ALDH1A1: variants seen among roughly 807,000 people sequenced by gnomAD.
ALDH1A1 encodes the protein aldehyde dehydrogenase 1 family member A1.
In ALDH1A1, 19 loss-of-function variants were observed where a neutral mutation model predicts 62.1. The observed-to-expected ratio is 0.31, with a 90% CI of 0.21 to 0.45. ALDH1A1 has a LOEUF of 0.45. ALDH1A1 is among the 20% of genes least tolerant of loss of function. The pLI, the probability that ALDH1A1 is intolerant of heterozygous loss-of-function variation, is 1.00. For synonymous variants in ALDH1A1, 231 were observed against 215.9 expected (o/e 1.07, Z -0.61); for missense variants, 521 against 607.1 (o/e 0.86, Z 1.49).
chr9:72,903,870 C>T (rs1252682817), intron 12 of ALDH1A1, among the ~76,000 whole-genome samples: 1 of 152,000 alleles, frequency 6.6e-6, no homozygotes, highest in Non-Finnish European at 1.5e-5. Context: ...ATAACCAGGC[C>T]AGAAACGAAC....
intron 1 of ALDH1A1, among the ~76,000 whole-genome samples, chr9:72,944,106 GA>G (rs1830446897): frequency 1.3e-5 from 2 of 152,066 alleles, no homozygotes; most frequent in South Asian, 4.1e-4. Context: ...GATCCCCAGA[GA>G]AAGAAGTTTA....
At chr9:72,926,594 T>C (rs1349307175) in intron 5 of ALDH1A1, among the ~76,000 whole-genome samples, 2 of 152,220 alleles carry the variant, frequency 1.3e-5, no homozygotes, top group Non-Finnish European at 2.9e-5. Context: ...GTAAAATATA[T>C]TCCATGCAGT....
intron 9 of ALDH1A1, among the ~76,000 whole-genome samples, chr9:72,914,676 C>A (rs1307333424): frequency 6.6e-6 from 1 of 151,874 alleles, no homozygotes; most frequent in African/African-American, 2.4e-5. Flanking sequence ...ATAGGAAAAT[C>A]ACTTGAAATA....
chr9:72,944,094 C>G (rs1056969939), intron 1 of ALDH1A1, among the ~76,000 whole-genome samples: 22 of 151,988 alleles, frequency 1.4e-4, no homozygotes, highest in African/African-American at 4.6e-4. Context: ...GTGGCAGATC[C>G]TGATCCCCAG....
intron 6 of ALDH1A1, 142 bp downstream of exon 6, chr9:72,925,342 A>G: frequency 1.1e-6 from 1 of 943,458 alleles, no homozygotes; most frequent in South Asian, 2.0e-5. Flanking sequence ...AATTGCAGCC[A>G]GCCGTCATGC....
intron 1 of ALDH1A1, among the ~76,000 whole-genome samples, chr9:72,946,860 T>TTATCCA (rs1830481946): frequency 2.6e-5 from 4 of 152,082 alleles, no homozygotes; most frequent in African/African-American, 9.6e-5. Context: ...ATCCTATAGA[T>TTATCCA]TATCCATGCC....
intron 1 of ALDH1A1, among the ~76,000 whole-genome samples, chr9:72,944,568 C>T (rs1017291966): frequency 2.6e-5 from 4 of 151,920 alleles, no homozygotes; most frequent in African/African-American, 9.7e-5. Flanking sequence ...ATCACTGTTC[C>T]TATAGTTATA....
chr9:72,901,745 T>G (rs1371836639), intron 12 of ALDH1A1, among the ~76,000 whole-genome samples: 2 of 151,960 alleles, frequency 1.3e-5, no homozygotes, highest in African/African-American at 4.8e-5. Context: ...CACTACAAGG[T>G]CTACTCTAGT....
intron 3 of ALDH1A1, 44 bp downstream of exon 3, chr9:72,930,835 C>A (rs1453559303): frequency 1.2e-6 from 2 of 1,611,366 alleles, no homozygotes; most frequent in African/African-American, 2.7e-5. Flanking sequence ...ACGCTGAATG[C>A]TTTTGAGAGC....
rs544818110 is a variant in ALDH1A1 at position 72,945,947 on chromosome 9, G to A, written c.67-5695C>T. ...TTTCATTTGTTTTAAATGATAGTCT[G>A]ACTTTAGTAACGTGAGTATATACTC... On this transcript the variant is annotated intron_variant, in intron 1 of 12. Coordinates refer to ENST00000297785, the MANE Select transcript of ALDH1A1 (RefSeq NM_000689.5). Among the ~76,000 whole-genome samples, 71 of 152,096 alleles carry A rather than the reference G, an allele frequency of 4.7e-4. 2 individuals carry two copies. The South Asian group carries it at 0.015, about 32-fold the overall frequency.
At chr9:72,917,499 C>T (rs946564558) in intron 8 of ALDH1A1, among the ~76,000 whole-genome samples, 2 of 151,944 alleles carry the variant, frequency 1.3e-5, no homozygotes, top group South Asian at 2.1e-4. Flanking sequence ...ACATGTCTAT[C>T]GAATTAAATA....
intron 9 of ALDH1A1, among the ~76,000 whole-genome samples, chr9:72,915,260 G>A (rs1485738823): frequency 6.6e-6 from 1 of 152,076 alleles, no homozygotes; most frequent in Non-Finnish European, 1.5e-5. Context: ...AAATCAATGA[G>A]GTATTCCAGC....
At chr9:72,940,073 A>T (rs1397383608) in intron 2 of ALDH1A1, 75 bp downstream of exon 2, 1 of 1,086,102 alleles carries the variant, frequency 9.2e-7, no homozygotes, top group East Asian at 2.4e-5. Flanking sequence ...GGAGCTTGCA[A>T]TGGGGTTCAG....
chr9:72,906,029 C>T lies in ALDH1A1; in HGVS notation c.1362G>A (p.Val454=), dbSNP rs777430527. 4 of 1,610,360 alleles carry T rather than the reference C, an allele frequency of 2.5e-6. No individual in the cohort carries two copies. In the South Asian group the frequency reaches 4.4e-5, roughly 18 times the overall value. Reference sequence around the variant, plus strand: ...GGGCACTTACCACGCCATAGCAATTCACCCTGAAGGAAAAGAAAAGTGCAT... The same window carrying T: ...GGGCACTTACCACGCCATAGCAATTTACCCTGAAGGAAAAGAAAAGTGCAT... ...SSALQAGTVW[V]NCYGVVSAQC... Residue 454 remains valine (V), a synonymous_variant, in exon 12 of 13, where the codon GTG becomes GTA. Coordinates refer to ENST00000297785, the MANE Select transcript of ALDH1A1 (RefSeq NM_000689.5).
intron 10 of ALDH1A1, among the ~76,000 whole-genome samples, chr9:72,911,687 C>T (rs527899903): frequency 6.6e-6 from 1 of 152,250 alleles, no homozygotes; most frequent in South Asian, 2.1e-4. Context: ...GGATTCTTTT[C>T]CATTGTTTTA....
In ALDH1A1 at chr9:72,919,526, A is replaced by G. The variant is rs536690293; in HGVS notation, c.748-704T>C. Reference sequence around the variant, plus strand: ...GACCATTTCTTTTTCTAGTCTCCCAAAAAACCTCATGAAGTCTCCTTCAGA... The same window carrying G: ...GACCATTTCTTTTTCTAGTCTCCCAGAAAACCTCATGAAGTCTCCTTCAGA... On this transcript the variant is annotated intron_variant, in intron 7 of 12. Transcript: ENST00000297785. 2.6e-5 allele frequency among the ~76,000 whole-genome samples: 4 copies of G among 152,342 alleles called. No homozygotes were observed. The East Asian group carries it at 7.7e-4, about 29-fold the overall frequency.
intron 12 of ALDH1A1, among the ~76,000 whole-genome samples, chr9:72,901,960 A>C (rs3764435): frequency 0.4 from 60,051 of 151,928 alleles, 13,661 homozygotes; most frequent in East Asian, 0.57. Flanking sequence ...TTTATTTTTT[A>C]TTTAAAACTT....
chr9:72,945,944 T>A (rs1417898362), intron 1 of ALDH1A1, among the ~76,000 whole-genome samples: 2 of 152,022 alleles, frequency 1.3e-5, no homozygotes, highest in Non-Finnish European at 2.9e-5. Context: ...TAAATGATAG[T>A]CTGACTTTAG....
At chr9:72,912,187 G>A in intron 9 of ALDH1A1, 65 bp from the exon 10 acceptor site, 2 of 1,427,206 alleles carry the variant, frequency 1.4e-6, no homozygotes, top group South Asian at 2.5e-5. Flanking sequence ...ACATTGCTGG[G>A]CCTGTTAACA....
Sources: gnomAD v4.1 joint callset for allele counts (sites outside exome capture counted in the v4.1 genomes callset) on GRCh38, gnomAD v4.1.1 for gene constraint, MANE v1.5 for transcripts, NCBI Gene and HGNC (gene_info 2026-07-23, HGNC 2026-07-21) for gene names.